The following FAM171A1 variants were observed in gnomAD, a reference collection of about 807,000 sequenced individuals.
The protein encoded by FAM171A1 is family with sequence similarity 171 member A1, also known as protein FAM171A1.
In FAM171A1, 23 loss-of-function variants were observed where a neutral mutation model predicts 74.9. That is an observed-to-expected ratio of 0.31 (90% CI 0.22 to 0.44). The LOEUF (loss-of-function observed/expected upper bound fraction) is 0.44, where lower values mean the gene tolerates loss of function less well. FAM171A1 is among the 20% of genes least tolerant of loss of function. The probability of loss-of-function intolerance (pLI) is 1.00; values close to 1 mark genes in which losing one functional copy is unlikely to be tolerated. For synonymous variants in FAM171A1, 527 were observed against 505.7 expected, an observed-to-expected ratio of 1.04 and a Z score of -0.57; for missense variants, 1,162 against 1,159.2, an observed-to-expected ratio of 1.00 and a Z score of -0.03.
upstream of FAM171A1, among the ~76,000 whole-genome samples, chr10:15,373,794 A>T (rs1836175405): frequency 6.6e-6 from 1 of 152,214 alleles, no homozygotes; most frequent in Non-Finnish European, 1.5e-5. Context: ...CACTCAAAAC[A>T]CTGGTGTTTG....
intron 3 of FAM171A1, among the ~76,000 whole-genome samples, chr10:15,259,080 G>A (rs900020548): frequency 1.1e-4 from 16 of 151,978 alleles, no homozygotes; most frequent in Non-Finnish European, 1.5e-4. Flanking sequence ...CAATATTCCA[G>A]TCTCCCCAAC....
chr10:15,359,140 T>C (rs1236284759), intron 1 of FAM171A1, among the ~76,000 whole-genome samples: 1 of 152,248 alleles, frequency 6.6e-6, no homozygotes, highest in Non-Finnish European at 1.5e-5. Context: ...TTGTTAGTTT[T>C]ACGTGTCCAG....
intron 1 of FAM171A1, among the ~76,000 whole-genome samples, chr10:15,327,136 T>C (rs1261099248): frequency 6.6e-6 from 1 of 152,176 alleles, no homozygotes; most frequent in Non-Finnish European, 1.5e-5. Context: ...CATGATAGTA[T>C]GGTGGCCAAC....
chr10:15,285,240 C>A (rs1835021539), intron 1 of FAM171A1, among the ~76,000 whole-genome samples: 1 of 152,136 alleles, frequency 6.6e-6, no homozygotes, highest in Non-Finnish European at 1.5e-5. Flanking sequence ...CCTGGAGAAA[C>A]AATGGCAGGT....
chr10:15,325,368 T>C (rs1835542864), intron 1 of FAM171A1, among the ~76,000 whole-genome samples: 1 of 152,024 alleles, frequency 6.6e-6, no homozygotes, highest in Non-Finnish European at 1.5e-5. Flanking sequence ...ATTAGCCAGG[T>C]GTGGTAGCCC....
chr10:15,283,184 A>G (rs1268982656), intron 2 of FAM171A1, among the ~76,000 whole-genome samples: 1 of 152,090 alleles, frequency 6.6e-6, no homozygotes, highest in African/African-American at 2.4e-5. Flanking sequence ...AATTCACACC[A>G]TCAGTGCAAT....
At chr10:15,281,452 GGGCCGATA>G (rs1178119920) in intron 2 of FAM171A1, among the ~76,000 whole-genome samples, 1 of 152,186 alleles carries the variant, frequency 6.6e-6, no homozygotes, top group Non-Finnish European at 1.5e-5. Flanking sequence ...AAGTGCTGAT[GGGCCGATA>G]TGTGTGGGGC....
In FAM171A1 at chr10:15,309,079, T is replaced by C. The variant is rs528914798; in HGVS notation, c.98-24974A>G. 2.0e-5 allele frequency among the ~76,000 whole-genome samples: 3 copies of C among 152,388 alleles called. No homozygotes were observed. The East Asian group carries it at 5.8e-4, about 29-fold the overall frequency. ...CCTTATTGCAAACCTGGTCCTACTTTGTATTTTGAATATTCAGCTTTCTTG... is the reference window on the plus strand; with the variant it reads ...CCTTATTGCAAACCTGGTCCTACTTCGTATTTTGAATATTCAGCTTTCTTG... On this transcript the variant is annotated intron_variant, in intron 1 of 7. Transcript: ENST00000378116.
chr10:15,308,601 C>A (rs375137147), intron 1 of FAM171A1, among the ~76,000 whole-genome samples: 2 of 151,840 alleles, frequency 1.3e-5, no homozygotes, highest in African/African-American at 2.4e-5. Flanking sequence ...GTGCAGATTG[C>A]GCCATTGCAC....
Position 15,213,768 on chromosome 10 carries a change from T to G in FAM171A1, c.1820A>C (p.Gln607Pro), listed in dbSNP as rs1439879281. 3 of 1,614,106 alleles carry G rather than the reference T, an allele frequency of 1.9e-6. No individual in the cohort carries two copies. The highest frequency in any genetic ancestry group is 1.7e-6 in the Non-Finnish European group (2 of 1,180,004). ...VSQPLVVPADQQLEIERLQAE... is the reference protein window; with the variant it reads ...VSQPLVVPADPQLEIERLQAE... ...CTGTAGTCTTTCTATCTCAAGCTGCTGATCAGCCGGGACGACGAGGGGCTG... is the reference window on the plus strand; with the variant it reads ...CTGTAGTCTTTCTATCTCAAGCTGCGGATCAGCCGGGACGACGAGGGGCTG... The change falls in exon 8 of 8, where the codon CAG becomes CCG. Residue 607 changes from glutamine (Q) to proline (P), a missense_variant. Transcript: ENST00000378116. This position sits in a 1 kb window ranked among gnomAD's most constrained non-coding sequence, Gnocchi z 6.8.
At chr10:15,287,407 T>A (rs1835050501) in intron 1 of FAM171A1, among the ~76,000 whole-genome samples, 1 of 147,484 alleles carries the variant, frequency 6.8e-6, no homozygotes, top group South Asian at 2.2e-4. Context: ...TTTTTTTTTT[T>A]AGACAGAGTT....
At chr10:15,257,647 T>C (rs1588516215) in intron 3 of FAM171A1, among the ~76,000 whole-genome samples, 1 of 152,008 alleles carries the variant, frequency 6.6e-6, no homozygotes, top group Admixed American at 6.6e-5. Context: ...GGAAAGGATA[T>C]GGCCGGTGCA....
intron 5 of FAM171A1, among the ~76,000 whole-genome samples, chr10:15,245,563 A>C (rs1362073071): frequency 6.6e-6 from 1 of 152,228 alleles, no homozygotes; most frequent in Non-Finnish European, 1.5e-5. Flanking sequence ...TCATTATAAC[A>C]ACAGTGGGTA....
chr10:15,283,799 G>T, intron 2 of FAM171A1, 79 bp downstream of exon 2: 1 of 1,413,714 alleles, frequency 7.1e-7, no homozygotes, highest in South Asian at 1.2e-5. Context: ...TGCCCAAGCT[G>T]GTTTCAGACT....
At chr10:15,301,227 C>T in intron 1 of FAM171A1, among the ~76,000 whole-genome samples, 1 of 152,126 alleles carries the variant, frequency 6.6e-6, no homozygotes, top group Admixed American at 6.5e-5. Context: ...GGCTGGAGGG[C>T]AGTGGCGCGA....
chr10:15,221,097 A>G (rs771249836), intron 5 of FAM171A1, 37 bp from the exon 6 acceptor site: 1 of 1,532,550 alleles, frequency 6.5e-7, no homozygotes, highest in Non-Finnish European at 9.0e-7. Flanking sequence ...CTACAAGCAC[A>G]CCACGCTCCT....
At chr10:15,236,371 GT>G (rs1186456440) in intron 5 of FAM171A1, among the ~76,000 whole-genome samples, 1 of 152,058 alleles carries the variant, frequency 6.6e-6, no homozygotes, top group Non-Finnish European at 1.5e-5. Context: ...CATACGGAGG[GT>G]TTTCCAAGCG....
rs541380761 is a variant in FAM171A1, at chr10:15,312,578, G to A, written c.98-28473C>T. Among the ~76,000 whole-genome samples, 18 of 149,582 alleles carry A rather than the reference G, an allele frequency of 1.2e-4. No homozygotes were observed. In the South Asian group the frequency reaches 3.0e-3, roughly 25 times the overall value. On this transcript the variant is annotated intron_variant, in intron 1 of 7. Transcript: ENST00000378116. ...TGTGCAGCTCAGATTGTGGCTCACA[G>A]AGGTGCCCGGCTGCAAACTGAACTG... is the stretch of plus-strand genomic sequence containing the variant.
At chr10:15,364,732 G>T (rs1387999030) in intron 1 of FAM171A1, among the ~76,000 whole-genome samples, 1 of 152,166 alleles carries the variant, frequency 6.6e-6, no homozygotes, top group Non-Finnish European at 1.5e-5. Context: ...GGTAAAATTG[G>T]TTTCCTTGCC....
Sources: allele counts gnomAD v4.1 joint callset (sites outside exome capture counted in the v4.1 genomes callset), GRCh38; gene constraint gnomAD v4.1.1; non-coding constraint Gnocchi (gnomAD v3.1); transcripts MANE v1.5; gene names NCBI Gene and HGNC (gene_info 2026-07-23, HGNC 2026-07-21).